Variants in TTC28 observed in about 807,000 individuals in gnomAD.
TTC28 encodes tetratricopeptide repeat domain 28.
In TTC28, 61 loss-of-function variants were observed where a neutral mutation model predicts 198.0. That is an observed-to-expected ratio of 0.31 (90% CI 0.25 to 0.38). The LOEUF (loss-of-function observed/expected upper bound fraction) is 0.38, where lower values mean the gene tolerates loss of function less well. Ranked by LOEUF, TTC28 falls within the 10% of genes least tolerant of loss-of-function variation. The pLI is 1.00. For missense variants in TTC28, 2,678 were observed against 3,164.0 expected (o/e 0.85, Z 3.69); for synonymous variants, 1,171 against 1,297.8 (o/e 0.90, Z 2.10).
intron 12 of TTC28, among the ~76,000 whole-genome samples, chr22:28,031,115 T>A: frequency 6.6e-6 from 1 of 152,232 alleles, no homozygotes; most frequent in East Asian, 1.9e-4. Flanking sequence ...TCAGCATGAT[T>A]AAAATGGCAA....
At chr22:28,218,644 C>T (rs1436014098) in intron 5 of TTC28, among the ~76,000 whole-genome samples, 1 of 152,082 alleles carries the variant, frequency 6.6e-6, no homozygotes, top group African/African-American at 2.4e-5. Flanking sequence ...TTTTAGACAA[C>T]CAGTGATTAG....
At chr22:28,265,661 T>C (rs1931636956) in intron 5 of TTC28, among the ~76,000 whole-genome samples, 1 of 152,194 alleles carries the variant, frequency 6.6e-6, no homozygotes, top group Non-Finnish European at 1.5e-5. Flanking sequence ...AGCTTGTTTA[T>C]ACGCTTAAAA....
intron 12 of TTC28, chr22:28,056,583 T>A (rs1940299035): frequency 6.7e-6 from 1 of 148,858 alleles, no homozygotes; most frequent in Non-Finnish European, 1.5e-5. Context: ...CTTAAATAGT[T>A]CAGAAGGCAA....
intron 2 of TTC28, among the ~76,000 whole-genome samples, chr22:28,347,908 T>G (rs560000158): frequency 6.6e-6 from 1 of 152,326 alleles, no homozygotes; most frequent in South Asian, 2.1e-4. Flanking sequence ...CTGTCTTACA[T>G]ATTTTGAGGA....
chr22:28,438,416 T>G (rs695609), intron 2 of TTC28, among the ~76,000 whole-genome samples: 1,674 of 152,312 alleles, frequency 0.011, 35 homozygotes, highest in East Asian at 0.083. Context: ...TGGAACTCCA[T>G]CAGAGAAATC....
intron 13 of TTC28, among the ~76,000 whole-genome samples, chr22:28,015,405 G>A (rs771506498): frequency 7.2e-6 from 1 of 139,222 alleles, no homozygotes; most frequent in South Asian, 2.4e-4. Context: ...CATCCTTCCT[G>A]TAGGAGATAG....
chr22:28,464,785 A>G (rs1392331609), intron 2 of TTC28, among the ~76,000 whole-genome samples: 2 of 152,184 alleles, frequency 1.3e-5, no homozygotes, highest in African/African-American at 4.8e-5. Flanking sequence ...GATGATACTT[A>G]CCCCACTGTT....
rs200228234 is a variant in TTC28, at chr22:28,246,936, GA to G, written c.933+49261del. 3.3e-4 allele frequency among the ~76,000 whole-genome samples: 49 copies of G among 150,286 alleles called. 1 individual carries two copies. The East Asian group carries it at 4.3e-3, about 13-fold the overall frequency. Reference sequence around the variant, plus strand: ...TCTATACACCCCAACACCTGGTTAGGAAAAAAAAATGCATTTCTTGAAAGTA... The same window carrying G: ...TCTATACACCCCAACACCTGGTTAGGAAAAAAAATGCATTTCTTGAAAGTA... On this transcript the variant is annotated intron_variant, in intron 5 of 22. Coordinates refer to ENST00000397906, the MANE Select transcript of TTC28 (RefSeq NM_001145418.2).
At chr22:28,457,469 G>A (rs1000552176) in intron 2 of TTC28, among the ~76,000 whole-genome samples, 11 of 152,088 alleles carry the variant, frequency 7.2e-5, no homozygotes, top group East Asian at 5.8e-4. Context: ...GTTAAAATCC[G>A]TTCCAACCTA....
chr22:28,533,353 G>T (rs1250902251), intron 2 of TTC28, among the ~76,000 whole-genome samples: 4 of 152,160 alleles, frequency 2.6e-5, no homozygotes, highest in African/African-American at 9.7e-5. Flanking sequence ...GCTTACAAGG[G>T]ATGTGAAGGG....
chr22:28,594,350 G>A (rs1352214390), intron 2 of TTC28, among the ~76,000 whole-genome samples: 1 of 150,922 alleles, frequency 6.6e-6, no homozygotes, highest in Non-Finnish European at 1.5e-5. Context: ...CCCTAATTCT[G>A]TCAAGATGCC....
chr22:28,044,360 A>G (rs1939778480), intron 12 of TTC28, among the ~76,000 whole-genome samples: 1 of 152,138 alleles, frequency 6.6e-6, no homozygotes, highest in Non-Finnish European at 1.5e-5. Context: ...CACAAAACAC[A>G]CCTATGAACA....
chr22:28,461,235 C>T (rs542381593), intron 2 of TTC28, among the ~76,000 whole-genome samples: 11 of 152,278 alleles, frequency 7.2e-5, no homozygotes, highest in African/African-American at 2.6e-4. Context: ...TGCAATGGTA[C>T]ATAGTAATAC....
At chr22:28,572,440 T>G (rs1252701728) in intron 2 of TTC28, among the ~76,000 whole-genome samples, 1 of 152,156 alleles carries the variant, frequency 6.6e-6, no homozygotes, top group South Asian at 2.1e-4. Context: ...TCTATGTCAG[T>G]TGAATTCTAT....
rs1366775852 is a variant in TTC28, at chr22:27,981,200, G to T, written c.*1021C>A. ...AAGGGAACAGGAGCCTGGAAGGCGG[G>T]ATTCTGGTTAAATCTAGTTAGCCAT... On this transcript the variant is annotated 3_prime_UTR_variant, in exon 23 of 23. Coordinates refer to ENST00000397906, the MANE Select transcript of TTC28 (RefSeq NM_001145418.2). 7.4e-6 allele frequency: 1 copy of T among 134,840 alleles called. No homozygotes were observed. The highest frequency in any genetic ancestry group is 2.7e-5 in the African/African-American group (1 of 37,478). 8.4% of individuals were successfully genotyped at this position (134,840 alleles called of 1,614,324 possible). A position where few individuals can be genotyped will look rare whatever the true frequency, so the allele number is the denominator to read the frequency against.
At chr22:28,205,414 C>A (rs1926320323) in intron 5 of TTC28, among the ~76,000 whole-genome samples, 1 of 152,062 alleles carries the variant, frequency 6.6e-6, no homozygotes, top group Admixed American at 6.6e-5. Context: ...TCATGGGCAC[C>A]TGAAGCCCAG....
In TTC28 at chr22:28,473,429, A is replaced by C. The variant is rs575264553; in HGVS notation, c.381+156123T>G. 2.6e-5 allele frequency among the ~76,000 whole-genome samples: 4 copies of C among 152,284 alleles called. 1 individual carries two copies. The South Asian group carries it at 8.3e-4, about 32-fold the overall frequency. On this transcript the variant is annotated intron_variant, in intron 2 of 22. Transcript: ENST00000397906. ...GAAGAGGCAAAAACACCTCTCCATA[A>C]GACACGCCCAATGGCCAGTTTACTA...
intron 12 of TTC28, among the ~76,000 whole-genome samples, chr22:28,049,942 C>T (rs951934760): frequency 8.2e-4 from 125 of 152,226 alleles, no homozygotes; most frequent in African/African-American, 2.8e-3. Context: ...TCTGGTAGGG[C>T]TCTCCAGTTC....
intron 2 of TTC28, among the ~76,000 whole-genome samples, chr22:28,572,072 G>T (rs1370602613): frequency 2.0e-5 from 3 of 151,928 alleles, no homozygotes. Flanking sequence ...GGTAGCTCAT[G>T]CCTGTAATCC....
Sources: allele counts gnomAD v4.1 joint callset (sites outside exome capture counted in the v4.1 genomes callset), GRCh38; gene constraint gnomAD v4.1.1; transcripts MANE v1.5; gene names NCBI Gene and HGNC (gene_info 2026-07-23, HGNC 2026-07-21).